Variants in STARD13 observed in about 807,000 individuals in gnomAD.
STARD13 encodes the protein StAR related lipid transfer domain containing 13, also known as stAR-related lipid transfer protein 13.
STARD13 carries 62 observed loss-of-function variants against 106.4 expected under a neutral mutation model. The ratio of observed to expected loss-of-function variants is 0.58; its 90% CI spans 0.48 to 0.72. The LOEUF is 0.72. STARD13 is among the 30% of genes least tolerant of loss of function. STARD13 has a pLI of 0.00. For synonymous variants in STARD13, 565 were observed against 553.0 expected, an observed-to-expected ratio of 1.02 and a Z score of -0.31; for missense variants, 1,387 against 1,424.0, an observed-to-expected ratio of 0.97 and a Z score of 0.42.
the STARD13 span, among the ~76,000 whole-genome samples, chr13:33,632,543 C>A: frequency 1.3e-5 from 2 of 152,062 alleles, no homozygotes; most frequent in Non-Finnish European, 2.9e-5. Context: ...CCAAAGTATC[C>A]CTTAAGTTCA....
the STARD13 span, among the ~76,000 whole-genome samples, chr13:33,380,109 G>C: frequency 1.5e-3 from 229 of 152,302 alleles, no homozygotes; most frequent in Middle Eastern, 0.024. Flanking sequence ...GTGGAGGCCA[G>C]GCGCGGTGGC....
At chr13:33,647,003 GCC>G in the STARD13 span, among the ~76,000 whole-genome samples, 1 of 151,920 alleles carries the variant, frequency 6.6e-6, no homozygotes, top group African/African-American at 2.4e-5. Context: ...GAAGTATGCA[GCC>G]CCCCCTAAAA....
intron 1 of STARD13, among the ~76,000 whole-genome samples, chr13:33,255,551 T>C (rs2138302917): frequency 6.6e-6 from 1 of 152,114 alleles, no homozygotes; most frequent in Non-Finnish European, 1.5e-5. Flanking sequence ...ACAGTGTGCC[T>C]TGATGGTAAG....
chr13:33,448,480 C>T, the STARD13 span, among the ~76,000 whole-genome samples: 2 of 152,026 alleles, frequency 1.3e-5, no homozygotes, highest in African/African-American at 4.8e-5. Flanking sequence ...TGTATATATA[C>T]TGTATTTTTA....
chr13:33,411,914 G>A, the STARD13 span, among the ~76,000 whole-genome samples: 1,576 of 152,166 alleles, frequency 0.01, 28 homozygotes, highest in African/African-American at 0.035. Flanking sequence ...TCAAATGAAG[G>A]AAAAATAAAA....
At chr13:33,528,850 C>T in the STARD13 span, among the ~76,000 whole-genome samples, 1 of 152,074 alleles carries the variant, frequency 6.6e-6, no homozygotes, top group Non-Finnish European at 1.5e-5. Flanking sequence ...CCTCTGCTTA[C>T]TGTACAGGAA....
the STARD13 span, among the ~76,000 whole-genome samples, chr13:33,420,232 T>C: frequency 1.3e-5 from 2 of 152,090 alleles, no homozygotes; most frequent in Non-Finnish European, 2.9e-5. Context: ...GAGACACACA[T>C]AGGCTCAAAA....
At chr13:33,264,369 C>T (rs1169357853) in intron 1 of STARD13, among the ~76,000 whole-genome samples, 3 of 152,210 alleles carry the variant, frequency 2.0e-5, no homozygotes, top group Non-Finnish European at 2.9e-5. Flanking sequence ...TTCCATGGAG[C>T]TCAACCACTA....
At chr13:33,376,379 A>T in the STARD13 span, among the ~76,000 whole-genome samples, 2 of 152,208 alleles carry the variant, frequency 1.3e-5, no homozygotes, top group African/African-American at 4.8e-5. Context: ...GTACTTACGC[A>T]TTCTAGAAGT....
chr13:33,480,572 C>A, the STARD13 span, among the ~76,000 whole-genome samples: 2 of 152,070 alleles, frequency 1.3e-5, no homozygotes, highest in Non-Finnish European at 2.9e-5. Context: ...CCAGGATTAT[C>A]ACTACAGGAA....
the STARD13 span, among the ~76,000 whole-genome samples, chr13:33,604,626 G>A: frequency 0.031 from 4,651 of 151,820 alleles, 233 homozygotes; most frequent in African/African-American, 0.11. Context: ...GCAAAACCCC[G>A]TCTTTACTAA....
chr13:33,370,867 C>T, the STARD13 span, among the ~76,000 whole-genome samples: 3 of 151,942 alleles, frequency 2.0e-5, no homozygotes, highest in African/African-American at 7.3e-5. Flanking sequence ...GTGATCCTCC[C>T]ACCTCGGCCT....
the STARD13 span, among the ~76,000 whole-genome samples, chr13:33,427,721 C>T: frequency 3.9e-5 from 6 of 151,994 alleles, no homozygotes; most frequent in Non-Finnish European, 8.8e-5. Flanking sequence ...TTTGGGAGGC[C>T]GAGGCGGGCG....
the STARD13 span, among the ~76,000 whole-genome samples, chr13:33,650,035 CCAGA>C: frequency 6.6e-6 from 1 of 152,134 alleles, no homozygotes; most frequent in East Asian, 1.9e-4. Context: ...AGTGCCAAAT[CCAGA>C]CACTCACATG....
chr13:33,458,214 GAAGTTAA>G, the STARD13 span, among the ~76,000 whole-genome samples: 1 of 151,714 alleles, frequency 6.6e-6, no homozygotes, highest in Non-Finnish European at 1.5e-5. Context: ...TTTATAAGAG[GAAGTTAA>G]AAGTTATCAC....
the STARD13 span, among the ~76,000 whole-genome samples, chr13:33,477,244 T>C: frequency 2.7e-4 from 41 of 152,238 alleles, no homozygotes; most frequent in Non-Finnish European, 5.0e-4. Flanking sequence ...GGTTTTGGGC[T>C]CTTAAAATGC....
At chr13:33,177,122 C>T (rs1884599918) in intron 1 of STARD13, among the ~76,000 whole-genome samples, 1 of 152,168 alleles carries the variant, frequency 6.6e-6, no homozygotes, top group South Asian at 2.1e-4. Context: ...GAATTTAATT[C>T]CCTGGCTAGC....
At chr13:33,584,698 C>T in the STARD13 span, among the ~76,000 whole-genome samples, 75 of 152,090 alleles carry the variant, frequency 4.9e-4, no homozygotes, top group Admixed American at 4.6e-3. Flanking sequence ...AAATGGGCAC[C>T]GTTCACAAGT....
At chr13:33,248,912 T>C (rs932832744) in intron 1 of STARD13, among the ~76,000 whole-genome samples, 6 of 152,206 alleles carry the variant, frequency 3.9e-5, no homozygotes, top group Admixed American at 2.0e-4. Flanking sequence ...TTTAAAACAA[T>C]AAATTTTAAA....
Sources: allele counts gnomAD v4.1 joint callset (sites outside exome capture counted in the v4.1 genomes callset), GRCh38; gene constraint gnomAD v4.1.1; transcripts MANE v1.5; gene names NCBI Gene and HGNC (gene_info 2026-07-23, HGNC 2026-07-21).